Variants in MTMR12 observed in about 807,000 individuals in gnomAD.
MTMR12 encodes the protein myotubularin-related protein 12.
In MTMR12, 33 loss-of-function variants were observed where a neutral mutation model predicts 96.7. The ratio of observed to expected loss-of-function variants is 0.34; its 90% CI spans 0.26 to 0.46. The LOEUF (loss-of-function observed/expected upper bound fraction) is 0.46, where lower values mean the gene tolerates loss of function less well. MTMR12 is among the 20% of genes least tolerant of loss of function. The pLI, the probability that MTMR12 is intolerant of heterozygous loss-of-function variation, is 1.00. For missense variants in MTMR12, 721 were observed against 896.1 expected (o/e 0.80, Z 2.49); for synonymous variants, 298 against 327.2 (o/e 0.91, Z 0.96).
At chr5:32,237,097 C>T (rs760893258) in intron 13 of MTMR12, among the ~76,000 whole-genome samples, 8 of 152,218 alleles carry the variant, frequency 5.3e-5, no homozygotes, top group South Asian at 4.1e-4. Flanking sequence ...CAAGCCCTTA[C>T]GATCAGGAGC....
intron 12 of MTMR12, among the ~76,000 whole-genome samples, chr5:32,241,251 A>C (rs1748460510): frequency 6.6e-6 from 1 of 152,194 alleles, no homozygotes; most frequent in Non-Finnish European, 1.5e-5. Flanking sequence ...TTAGGTTGCA[A>C]ACTTCTTGAA....
rs1748083299 is a variant in MTMR12 at position 32,233,467 on chromosome 5, C to T, written c.1674+306G>A. On this transcript the variant is annotated intron_variant, in intron 15 of 15. Coordinates refer to ENST00000382142, the MANE Select transcript of MTMR12 (RefSeq NM_001040446.3). The surrounding 1 kb of genome is among the most constrained non-coding windows in gnomAD (Gnocchi z 5.0). ...CTTTTACTCTACTAACACACACACA[C>T]ACACAAACACACACACACACACACA... Among the ~76,000 whole-genome samples, 1 of 147,316 alleles carries T rather than the reference C, an allele frequency of 6.8e-6. No homozygotes were observed. Among genetic ancestry groups the T allele is most frequent in the African/African-American group, 2.6e-5 (1 of 38,966 alleles).
chr5:32,230,020 T>A lies in MTMR12; in HGVS notation c.2002A>T (p.Met668Leu), dbSNP rs1194410363. Reference sequence around the variant, plus strand: ...TCTTGTAAACTCTGGACTTCCTCCATCATTTCCAAGAGTTTGCTCAGAGTG... The same window carrying A: ...TCTTGTAAACTCTGGACTTCCTCCAACATTTCCAAGAGTTTGCTCAGAGTG... ...VATLSKLLEM[M>L]EEVQSLQEKI... The change falls in exon 16 of 16, where the codon ATG (methionine) becomes TTG (leucine). Residue 668 changes from methionine (M) to leucine (L), a missense_variant. Physicochemically the swap from Met to Leu is conservative, Grantham distance 15 (BLOSUM62 2). Transcript: ENST00000382142. The A allele has an allele frequency of 6.2e-7, 1 of 1,613,544 alleles. No individual in the cohort carries two copies. Among genetic ancestry groups the A allele is most frequent in the East Asian group, 2.2e-5 (1 of 44,868 alleles).
At chr5:32,284,113 C>T (rs1023294333) in intron 1 of MTMR12, among the ~76,000 whole-genome samples, 1 of 151,828 alleles carries the variant, frequency 6.6e-6, no homozygotes, top group Non-Finnish European at 1.5e-5. Context: ...TCGAGACTAG[C>T]CTGGGCAACA....
At chr5:32,230,607 C>G (rs1206134482) in intron 15 of MTMR12, among the ~76,000 whole-genome samples, 1 of 152,192 alleles carries the variant, frequency 6.6e-6, no homozygotes, top group African/African-American at 2.4e-5. Flanking sequence ...TGCTGGGACA[C>G]AGAGAAAGGA....
chr5:32,255,041 A>C (rs1187263970), intron 8 of MTMR12, among the ~76,000 whole-genome samples: 1 of 152,108 alleles, frequency 6.6e-6, no homozygotes, highest in Non-Finnish European at 1.5e-5. Context: ...CTTGGACTCC[A>C]TGGGCTTCTG....
At chr5:32,286,297 T>C (rs1424697111) in intron 1 of MTMR12, among the ~76,000 whole-genome samples, 1 of 152,282 alleles carries the variant, frequency 6.6e-6, no homozygotes, top group Admixed American at 6.5e-5. Flanking sequence ...GCTGTGATTA[T>C]GCCACTGCAC....
chr5:32,287,739 C>T (rs993725655), intron 1 of MTMR12, among the ~76,000 whole-genome samples: 2 of 152,194 alleles, frequency 1.3e-5, no homozygotes, highest in African/African-American at 4.8e-5. Context: ...AAGTAGAGAA[C>T]ACTGATAGTC....
At position 32,304,322 on chromosome 5, in the gene MTMR12, AAAAAAAAAAG is replaced by A. The variant is rs1371866926; in HGVS notation, c.81+8426_81+8435del. ...GAGACAGAGTGAGACTCCGTCTCCA[AAAAAAAAAAG>A]AAAAGAAAAGAAATGCAACCATATG... On this transcript the variant is annotated intron_variant, in intron 1 of 15. Transcript: ENST00000382142. 2.0e-5 allele frequency among the ~76,000 whole-genome samples: 3 copies of A among 149,776 alleles called. No individual in the cohort carries two copies. In the East Asian group the frequency reaches 5.8e-4, roughly 29 times the overall value.
chr5:32,266,313 A>AT (rs1192766347), intron 6 of MTMR12, among the ~76,000 whole-genome samples: 1 of 152,224 alleles, frequency 6.6e-6, no homozygotes, highest in African/African-American at 2.4e-5. Flanking sequence ...CAGTCAATAC[A>AT]TATTTACTAA....
chr5:32,260,096 A>C (rs907037158), intron 7 of MTMR12, among the ~76,000 whole-genome samples: 2 of 150,948 alleles, frequency 1.3e-5, no homozygotes, highest in Non-Finnish European at 2.9e-5. Flanking sequence ...AAGTGGAGTT[A>C]ATTATACTTG....
chr5:32,265,717 T>C (rs968451542), intron 6 of MTMR12, among the ~76,000 whole-genome samples: 1 of 152,242 alleles, frequency 6.6e-6, no homozygotes, highest in African/African-American at 2.4e-5. Flanking sequence ...TATGTCAGTG[T>C]AATTCTCTAA....
intron 1 of MTMR12, among the ~76,000 whole-genome samples, chr5:32,298,435 C>T (rs1398112200): frequency 6.6e-6 from 1 of 152,178 alleles, no homozygotes; most frequent in Non-Finnish European, 1.5e-5. Flanking sequence ...CTGGACTTAA[C>T]ATACTGCCCA....
At chr5:32,232,660 C>T (rs1269757803) in intron 15 of MTMR12, among the ~76,000 whole-genome samples, 1 of 152,214 alleles carries the variant, frequency 6.6e-6, no homozygotes, top group Admixed American at 6.5e-5. Flanking sequence ...GAAGAAAAAC[C>T]AATTTCTGGC....
In MTMR12 at chr5:32,248,902, C is replaced by G. The variant is rs1318594772; in HGVS notation, c.790-24G>C. 4 of 1,578,966 alleles carry G rather than the reference C, an allele frequency of 2.5e-6. No individual in the cohort carries two copies. The South Asian group carries it at 4.4e-5, about 17-fold the overall frequency. On this transcript the variant is annotated intron_variant, in intron 8 of 15. Transcript: ENST00000382142. ...ATCTGTAGAAACAAATAAAGCTTTACCAGATACAATAAACACAACCCAACA... is the reference window on the plus strand; with the variant it reads ...ATCTGTAGAAACAAATAAAGCTTTAGCAGATACAATAAACACAACCCAACA...
intron 1 of MTMR12, among the ~76,000 whole-genome samples, chr5:32,290,118 T>C (rs1465720855): frequency 6.6e-6 from 1 of 152,262 alleles, no homozygotes; most frequent in Non-Finnish European, 1.5e-5. Flanking sequence ...AGCCATTGAC[T>C]TGGCAAATGG....
At chr5:32,285,635 A>C (rs1235955922) in intron 1 of MTMR12, among the ~76,000 whole-genome samples, 1 of 152,172 alleles carries the variant, frequency 6.6e-6, no homozygotes, top group Non-Finnish European at 1.5e-5. Context: ...TCCCACTGCG[A>C]GTATCAGCAA....
chr5:32,266,979 C>CT (rs1382430650), intron 6 of MTMR12, among the ~76,000 whole-genome samples: 1 of 151,702 alleles, frequency 6.6e-6, no homozygotes, highest in African/African-American at 2.4e-5. Flanking sequence ...ACTCAGGAGG[C>CT]TGAGGCAGGA....
At chr5:32,259,532 G>T (rs546611278) in intron 7 of MTMR12, among the ~76,000 whole-genome samples, 1 of 152,324 alleles carries the variant, frequency 6.6e-6, no homozygotes, top group East Asian at 1.9e-4. Flanking sequence ...TTAGAAGCCA[G>T]CCACCGTGTT....
Sources: allele counts gnomAD v4.1 joint callset (sites outside exome capture counted in the v4.1 genomes callset), GRCh38; gene constraint gnomAD v4.1.1; non-coding constraint Gnocchi (gnomAD v3.1); transcripts MANE v1.5; gene names NCBI Gene and HGNC (gene_info 2026-07-23, HGNC 2026-07-21).